SDK1: variants seen among roughly 807,000 people sequenced by gnomAD.
SDK1 encodes protein sidekick-1.
A neutral mutation model predicts 245.5 loss-of-function variants in SDK1; 157 were observed. The observed-to-expected ratio is 0.64, with a 90% CI of 0.56 to 0.73. The LOEUF (loss-of-function observed/expected upper bound fraction) is 0.73, where lower values mean the gene tolerates loss of function less well. SDK1 is among the 30% of genes least tolerant of loss of function. SDK1 has a pLI of 0.00. For synonymous variants in SDK1, 1,647 were observed against 1,278.5 expected (o/e 1.29, Z -6.15); for missense variants, 3,583 against 3,002.3 (o/e 1.19, Z -4.52).
Position 3,476,706 on chromosome 7 carries a change from G to A in SDK1, c.299-142374G>A, listed in dbSNP as rs560280979. Reference sequence around the variant, plus strand: ...CTTTGTAGTGAACTTTTCCAACCTCGAATTTTTTCCTCTGTAACCGTTCAC... The same window carrying A: ...CTTTGTAGTGAACTTTTCCAACCTCAAATTTTTTCCTCTGTAACCGTTCAC... On this transcript the variant is annotated intron_variant, in intron 1 of 44. Transcript: ENST00000404826. Among the ~76,000 whole-genome samples, 4 of 152,140 alleles carry A rather than the reference G, an allele frequency of 2.6e-5. No individual in the cohort carries two copies. The South Asian group carries it at 6.2e-4, about 24-fold the overall frequency.
chr7:3,912,987 A>G (rs1339414717), intron 5 of SDK1, among the ~76,000 whole-genome samples: 1 of 152,256 alleles, frequency 6.6e-6, no homozygotes. Flanking sequence ...GATGTGGATC[A>G]GGCTCTTGTT....
chr7:3,679,087 A>C (rs1257005401), intron 4 of SDK1, among the ~76,000 whole-genome samples: 1 of 152,254 alleles, frequency 6.6e-6, no homozygotes, highest in Admixed American at 6.5e-5. Flanking sequence ...TCAATACATG[A>C]AAACAAAATA....
At chr7:3,612,068 C>G (rs1043743351) in intron 1 of SDK1, among the ~76,000 whole-genome samples, 1 of 152,038 alleles carries the variant, frequency 6.6e-6, no homozygotes, top group Non-Finnish European at 1.5e-5. Context: ...AAGAATGATA[C>G]AATGGACTTT....
At chr7:4,080,294 C>T (rs775737399) in intron 22 of SDK1, among the ~76,000 whole-genome samples, 15 of 151,920 alleles carry the variant, frequency 9.9e-5, no homozygotes, top group Non-Finnish European at 8.8e-5. Context: ...CGCAGGGGTC[C>T]GGGACAGTGC....
At chr7:3,729,206 G>C (rs979300167) in intron 4 of SDK1, among the ~76,000 whole-genome samples, 1 of 152,134 alleles carries the variant, frequency 6.6e-6, no homozygotes, top group Non-Finnish European at 1.5e-5. Flanking sequence ...CTTTATCTTA[G>C]GAAAACATCA....
intron 2 of SDK1, among the ~76,000 whole-genome samples, chr7:3,622,754 C>G (rs1420454652): frequency 6.6e-6 from 1 of 152,140 alleles, no homozygotes; most frequent in East Asian, 1.9e-4. Flanking sequence ...AAGCTATGTG[C>G]TTCACTACTA....
At chr7:3,575,890 C>T (rs941902081) in intron 1 of SDK1, among the ~76,000 whole-genome samples, 1 of 151,954 alleles carries the variant, frequency 6.6e-6, no homozygotes, top group Non-Finnish European at 1.5e-5. Context: ...GAGTGAGGCT[C>T]ATGAATAGCC....
intron 13 of SDK1, among the ~76,000 whole-genome samples, chr7:3,977,488 C>T (rs1783042452): frequency 6.6e-6 from 1 of 152,270 alleles, no homozygotes; most frequent in Non-Finnish European, 1.5e-5. Flanking sequence ...CCCCTGCCTT[C>T]AGGCATTGGA....
Position 3,677,516 on chromosome 7 carries a change from C to G in SDK1, c.713+35411C>G, listed in dbSNP as rs553155557. Reference sequence around the variant, plus strand: ...TCCCATTTATAAAAGCATCAGATCTCGTGAGACTTATTCACTACCACAAGA... The same window carrying G: ...TCCCATTTATAAAAGCATCAGATCTGGTGAGACTTATTCACTACCACAAGA... On this transcript the variant is annotated intron_variant, in intron 4 of 44. Coordinates refer to ENST00000404826, the MANE Select transcript of SDK1 (RefSeq NM_152744.4). 1.1e-3 allele frequency among the ~76,000 whole-genome samples: 168 copies of G among 152,252 alleles called. 1 individual carries two copies. Among genetic ancestry groups the G allele is most frequent in the African/African-American group, 3.8e-3 (158 of 41,542 alleles).
chr7:3,589,404 C>A (rs909027746), intron 1 of SDK1, among the ~76,000 whole-genome samples: 4 of 152,192 alleles, frequency 2.6e-5, no homozygotes, highest in Admixed American at 2.6e-4. Context: ...ACAGACTCTT[C>A]CCGTGCACCA....
intron 1 of SDK1, among the ~76,000 whole-genome samples, chr7:3,593,208 C>T (rs1319237664): frequency 6.6e-6 from 1 of 152,134 alleles, no homozygotes; most frequent in Non-Finnish European, 1.5e-5. Flanking sequence ...ATGCAGCAGC[C>T]CTTTTCTCAG....
chr7:3,813,258 C>A (rs1779429355), intron 4 of SDK1, among the ~76,000 whole-genome samples: 2 of 117,728 alleles, frequency 1.7e-5, no homozygotes, highest in Non-Finnish European at 3.4e-5. Context: ...CTATCCCTCC[C>A]CCCTCCCCCC....
chr7:3,916,927 C>G (rs1157829936), intron 5 of SDK1, among the ~76,000 whole-genome samples: 1 of 152,162 alleles, frequency 6.6e-6, no homozygotes, highest in Non-Finnish European at 1.5e-5. Context: ...GGCACAGATG[C>G]AGACTCATAG....
chr7:3,423,491 G>A (rs1481287424), intron 1 of SDK1, among the ~76,000 whole-genome samples: 1 of 151,698 alleles, frequency 6.6e-6, no homozygotes, highest in African/African-American at 2.4e-5. Flanking sequence ...TTTGGGGGCA[G>A]TGAGAATATA....
intron 4 of SDK1, among the ~76,000 whole-genome samples, chr7:3,785,649 G>A (rs1254508598): frequency 6.6e-6 from 1 of 152,144 alleles, no homozygotes; most frequent in Non-Finnish European, 1.5e-5. Context: ...GGATGGAAAG[G>A]GGGAAGAAAT....
intron 4 of SDK1, among the ~76,000 whole-genome samples, chr7:3,797,380 G>A (rs7812008): frequency 6.7e-6 from 1 of 150,138 alleles, no homozygotes; most frequent in Admixed American, 6.7e-5. Context: ...ATATAAATAA[G>A]CTAATGTATA....
chr7:4,137,282 G>A (rs544194465), intron 28 of SDK1, among the ~76,000 whole-genome samples: 18 of 152,344 alleles, frequency 1.2e-4, no homozygotes, highest in East Asian at 3.9e-4. Context: ...GTGACAGAGC[G>A]AGACTCTATC....
intron 36 of SDK1, among the ~76,000 whole-genome samples, chr7:4,207,244 G>A (rs1784274079): frequency 6.6e-6 from 1 of 152,218 alleles, no homozygotes; most frequent in Non-Finnish European, 1.5e-5. Flanking sequence ...CCTCCGTGCT[G>A]CCTTTTCACA....
intron 1 of SDK1, among the ~76,000 whole-genome samples, chr7:3,427,420 G>T (rs1040451490): frequency 6.6e-6 from 1 of 151,782 alleles, no homozygotes; most frequent in Non-Finnish European, 1.5e-5. Context: ...TTGGGAGGCT[G>T]GAGCAGGAGA....
Sources: allele counts gnomAD v4.1 joint callset (sites outside exome capture counted in the v4.1 genomes callset), GRCh38; gene constraint gnomAD v4.1.1; transcripts MANE v1.5; gene names NCBI Gene and HGNC (gene_info 2026-07-23, HGNC 2026-07-21).